The following PRIM1 variants were observed in gnomAD, a reference collection of about 807,000 sequenced individuals.
PRIM1 encodes DNA primase subunit 1.
PRIM1 carries 38 observed loss-of-function variants against 60.2 expected under a neutral mutation model. The ratio of observed to expected loss-of-function variants is 0.63; its 90% CI spans 0.49 to 0.83. The LOEUF is 0.83. Ranked by LOEUF, PRIM1 falls within the 40% of genes least tolerant of loss-of-function variation. The probability of loss-of-function intolerance (pLI) is 0.00; values close to 1 mark genes in which losing one functional copy is unlikely to be tolerated. For missense variants in PRIM1, 388 were observed against 506.2 expected, an observed-to-expected ratio of 0.77 and a Z score of 2.24; for synonymous variants, 158 against 160.2, an observed-to-expected ratio of 0.99 and a Z score of 0.10.
chr12:56,733,960 C>T (rs1365615081), intron 12 of PRIM1, among the ~76,000 whole-genome samples, 187 bp downstream of exon 12: 1 of 152,124 alleles, frequency 6.6e-6, no homozygotes, highest in Non-Finnish European at 1.5e-5. Flanking sequence ...AGACCTGATA[C>T]TTAGAATGTG....
At chr12:56,731,805 C>CT (rs1953787300) in intron 12 of PRIM1, 71 bp from the exon 13 acceptor site, 3 of 1,264,050 alleles carry the variant, frequency 2.4e-6, no homozygotes, top group Non-Finnish European at 3.3e-6. Flanking sequence ...CTTTTACATT[C>CT]TTTTTTGCCT....
Position 56,746,914 on chromosome 12 carries a change from C to G in PRIM1, c.368+12G>C. The G allele has an allele frequency of 6.2e-7, 1 of 1,612,962 alleles. No homozygotes were observed. Among genetic ancestry groups the G allele is most frequent in the East Asian group, 2.2e-5 (1 of 44,878 alleles). On this transcript the variant is annotated intron_variant, in intron 3 of 12. Transcript: ENST00000338193. The stretch of plus-strand genomic sequence containing the variant: ...TACCACCCACCCTAACAGCAAGACA[C>G]ACAGTGCTCACCTACAACATCTCCT...
rs757044838 is a variant in PRIM1, at chr12:56,741,871, GAAC to G, written c.749-37_749-35del. ...TCATTAAGGAACAGACTCATTTAGG[GAAC>G]ATCAATGAACAATTTAGTTTTAAGT... On this transcript the variant is annotated intron_variant, in intron 7 of 12. Transcript: ENST00000338193. 10 of 1,540,292 alleles carry G rather than the reference GAAC, an allele frequency of 6.5e-6. No individual in the cohort carries two copies. The South Asian group carries it at 9.0e-5, about 14-fold the overall frequency.
chr12:56,734,365 T>A, intron 11 of PRIM1, 120 bp from the exon 12 acceptor site: 1 of 591,414 alleles, frequency 1.7e-6, no homozygotes. Context: ...GAGAGAAACA[T>A]ACATACTTTT....
intron 11 of PRIM1, among the ~76,000 whole-genome samples, chr12:56,735,025 C>T (rs1170646269): frequency 6.6e-6 from 1 of 151,544 alleles, no homozygotes; most frequent in African/African-American, 2.4e-5. Flanking sequence ...GTTGGCCAGG[C>T]TGGTCTCAAA....
chr12:56,739,224 G>T, intron 10 of PRIM1, 70 bp downstream of exon 10: 2 of 1,200,856 alleles, frequency 1.7e-6, no homozygotes. Context: ...CTCTAAGGAG[G>T]CTAATTCAAT....
chr12:56,731,798 T>G, intron 12 of PRIM1, 64 bp from the exon 13 acceptor site: 1 of 1,328,338 alleles, frequency 7.5e-7, no homozygotes, highest in Non-Finnish European at 1.0e-6. Context: ...CCATTTACTT[T>G]TACATTCTTT....
At chr12:56,737,828 G>A (rs980372691) in intron 11 of PRIM1, among the ~76,000 whole-genome samples, 6 of 152,194 alleles carry the variant, frequency 3.9e-5, no homozygotes, top group Admixed American at 3.3e-4. Context: ...GGGTTCAAGC[G>A]ATTCTCCTGA....
intron 1 of PRIM1, chr12:56,751,708 G>C (rs1001664948): frequency 6.5e-6 from 1 of 153,090 alleles, no homozygotes; most frequent in Non-Finnish European, 1.5e-5. Flanking sequence ...GTATTTGCTA[G>C]GGAACGGTAC....
intron 9 of PRIM1, among the ~76,000 whole-genome samples, chr12:56,741,029 G>C (rs1953869265): frequency 6.6e-6 from 1 of 152,128 alleles, no homozygotes; most frequent in African/African-American, 2.4e-5. Context: ...GCCTAGGCTG[G>C]TGTTAGACTC....
intron 12 of PRIM1, 59 bp downstream of exon 12, chr12:56,734,088 G>A (rs1211214613): frequency 8.4e-7 from 1 of 1,192,272 alleles, no homozygotes; most frequent in Admixed American, 2.4e-5. Context: ...CTCAAAAATT[G>A]CTCATTTCTA....
intron 2 of PRIM1, among the ~76,000 whole-genome samples, chr12:56,747,342 C>T (rs1016036404): frequency 2.0e-5 from 3 of 152,108 alleles, no homozygotes; most frequent in African/African-American, 7.2e-5. Context: ...TGGCCTATTG[C>T]AAGGTGTTTT....
At position 56,751,175 on chromosome 12, in the gene PRIM1, G is replaced by A. The variant is rs750851720; in HGVS notation, c.124C>T (p.His42Tyr). ...TTCAATGTGAATGAAAATTCACGGT[G>A]TTGAAAGTAATTCTTTATCACTGCA... ...YGGVIKNYFQ[H>Y]REFSFTLKDD... The change falls in exon 2 of 13, where the codon CAC becomes TAC. Residue 42 changes from histidine (H) to tyrosine (Y), a missense_variant. By Grantham distance (83) the His-to-Tyr change is moderately conservative. Coordinates refer to ENST00000338193, the MANE Select transcript of PRIM1 (RefSeq NM_000946.3). 6 of 1,552,036 alleles carry A rather than the reference G, an allele frequency of 3.9e-6. No homozygotes were observed. Among genetic ancestry groups the A allele is most frequent in the South Asian group, 3.6e-5 (3 of 82,656 alleles).
chr12:56,746,626 T>TCACACACACACACA lies in PRIM1; in HGVS notation c.442+141_442+154dup. ...AGCCTGGCTGACAGAGTGAGACTCG[T>TCACACACACACACA]CACACACACACACACACACACACAC... On this transcript the variant is annotated intron_variant, in intron 4 of 12. Transcript: ENST00000338193. The TCACACACACACACA allele has an allele frequency of 1.9e-5, 12 of 640,052 alleles. No individual in the cohort carries two copies. In the East Asian group the frequency reaches 3.8e-4, roughly 21 times the overall value. 39.6% of individuals were successfully genotyped at this position (640,052 alleles called of 1,614,324 possible). A position where few individuals can be genotyped will look rare whatever the true frequency, so the allele number is the denominator to read the frequency against.
chr12:56,746,840 C>T lies in PRIM1; in HGVS notation c.383G>A (p.Cys128Tyr), dbSNP rs1953911623. Residue 128 changes from cysteine (C) to tyrosine (Y), a missense_variant, in exon 4 of 13, where the codon TGT (cysteine) becomes TAT (tyrosine). Physicochemically the swap from Cys to Tyr is radical, Grantham distance 194 (BLOSUM62 -2). Transcript: ENST00000338193. ...TGTCATGAGGGTCCAGCACTTAGGA[C>T]ATATGTCTGCAGAACTAAAGCAGAG... ...VRRCCSSADI[C>Y]PKCWTLMTMA... The T allele has an allele frequency of 6.2e-6, 10 of 1,613,914 alleles. No homozygotes were observed. Among genetic ancestry groups the T allele is most frequent in the South Asian group, 1.1e-5 (1 of 91,062 alleles).
At chr12:56,746,672 A>G in intron 4 of PRIM1, 109 bp downstream of exon 4, 3 of 453,456 alleles carry the variant, frequency 6.6e-6, no homozygotes, top group Non-Finnish European at 1.0e-5. Context: ...ACACACACAC[A>G]CACAAATTAA....
At chr12:56,746,701 TAC>T (rs1477235306) in intron 4 of PRIM1, 78 bp downstream of exon 4, 14 of 1,191,404 alleles carry the variant, frequency 1.2e-5, no homozygotes, top group Non-Finnish European at 1.6e-5. Flanking sequence ...GATCACAAAA[TAC>T]AGAGACTAAT....
chr12:56,735,085 A>G (rs952337133), intron 11 of PRIM1, among the ~76,000 whole-genome samples: 2 of 151,868 alleles, frequency 1.3e-5, no homozygotes, highest in African/African-American at 2.4e-5. Flanking sequence ...TGCTGGGATT[A>G]CAGGCGTGAG....
At chr12:56,731,894 T>C (rs1953787688) in intron 12 of PRIM1, among the ~76,000 whole-genome samples, 160 bp from the exon 13 acceptor site, 2 of 152,206 alleles carry the variant, frequency 1.3e-5, no homozygotes, top group Admixed American at 1.3e-4. Flanking sequence ...GCTGAGCTAG[T>C]ATGGAACAGT....
Sources: gnomAD v4.1 joint callset for allele counts (sites outside exome capture counted in the v4.1 genomes callset) on GRCh38, gnomAD v4.1.1 for gene constraint, MANE v1.5 for transcripts, NCBI Gene and HGNC (gene_info 2026-07-23, HGNC 2026-07-21) for gene names.